Variants in DPP10 observed in about 807,000 individuals in gnomAD.
DPP10 encodes inactive dipeptidyl peptidase 10.
Under a neutral mutation model 120.9 loss-of-function variants are expected in DPP10, and 33 were observed. The ratio of observed to expected loss-of-function variants is 0.27; its 90% CI spans 0.21 to 0.37. DPP10 has a LOEUF of 0.37. Ranked by LOEUF, DPP10 falls within the 10% of genes least tolerant of loss-of-function variation. DPP10 has a pLI of 1.00. For synonymous variants in DPP10, 337 were observed against 326.1 expected (o/e 1.03, Z -0.36); for missense variants, 816 against 942.8 (o/e 0.87, Z 1.76).
intron 1 of DPP10, among the ~76,000 whole-genome samples, chr2:114,659,210 C>T (rs947933105): frequency 6.6e-6 from 1 of 152,140 alleles, no homozygotes; most frequent in East Asian, 1.9e-4. Context: ...AGCATGAAAA[C>T]GTACTAATAC....
intron 19 of DPP10, among the ~76,000 whole-genome samples, chr2:115,805,226 C>G (rs6734758): frequency 0.97 from 147,485 of 152,174 alleles, 71,670 homozygotes; most frequent in East Asian, 1. Flanking sequence ...AGGACCCTCC[C>G]AGCCAGGTGT....
At chr2:114,871,324 A>T (rs1690674790) in intron 1 of DPP10, among the ~76,000 whole-genome samples, 1 of 152,352 alleles carries the variant, frequency 6.6e-6, no homozygotes, top group Non-Finnish European at 1.5e-5. Context: ...TTTTTAAAAA[A>T]TTTGAATACT....
chr2:115,724,478 T>A (rs1020212714), intron 7 of DPP10, among the ~76,000 whole-genome samples: 1 of 152,256 alleles, frequency 6.6e-6, no homozygotes, highest in Non-Finnish European at 1.5e-5. Context: ...TTATGACATA[T>A]TTCCTAACTT....
intron 1 of DPP10, 83 bp downstream of exon 1, chr2:114,442,921 C>T: frequency 1.3e-6 from 2 of 1,532,232 alleles, no homozygotes; most frequent in Non-Finnish European, 1.8e-6. Context: ...TATCGGGGTA[C>T]TGACAGTGGA....
intron 1 of DPP10, among the ~76,000 whole-genome samples, chr2:115,258,855 C>T (rs568208972): frequency 8.5e-4 from 130 of 152,242 alleles, no homozygotes; most frequent in African/African-American, 3.0e-3. Flanking sequence ...CACCACTGCA[C>T]TCCAGCCTGG....
intron 1 of DPP10, among the ~76,000 whole-genome samples, chr2:114,866,742 T>C (rs184075531): frequency 6.6e-6 from 1 of 152,242 alleles, no homozygotes; most frequent in Non-Finnish European, 1.5e-5. Flanking sequence ...TCAGTAAATT[T>C]ACTATGCAGC....
intron 1 of DPP10, among the ~76,000 whole-genome samples, chr2:114,591,554 A>ATTTTTT (rs70937292): frequency 4.0e-5 from 5 of 124,604 alleles, no homozygotes; most frequent in Admixed American, 1.6e-4. Flanking sequence ...ACCTCTTCCT[A>ATTTTTT]TTTTTTTTTT....
In DPP10 at chr2:115,709,567, G is replaced by A. The variant is rs200788647; in HGVS notation, c.577-18249G>A. Reference sequence around the variant, plus strand: ...TCCTACCTTTCATAGACAGATACACGAAGAATATTAAAAAGAAGAAAATGG... The same window carrying A: ...TCCTACCTTTCATAGACAGATACACAAAGAATATTAAAAAGAAGAAAATGG... On this transcript the variant is annotated intron_variant, in intron 7 of 25. Transcript: ENST00000410059. 1.3e-4 allele frequency among the ~76,000 whole-genome samples: 20 copies of A among 151,388 alleles called. No individual in the cohort carries two copies. In the East Asian group the frequency reaches 2.9e-3, roughly 22 times the overall value.
chr2:115,261,363 C>T (rs947965937), intron 1 of DPP10, among the ~76,000 whole-genome samples: 2 of 152,112 alleles, frequency 1.3e-5, no homozygotes, highest in African/African-American at 4.8e-5. Context: ...TCCTAGTGCA[C>T]AATCAGTGAA....
chr2:114,895,674 T>C (rs11888519), intron 1 of DPP10, among the ~76,000 whole-genome samples: 4,110 of 152,252 alleles, frequency 0.027, 187 homozygotes, highest in African/African-American at 0.094. Context: ...CATTTTTTGT[T>C]TTAAGCCACT....
At chr2:114,778,620 C>T (rs956444318) in intron 1 of DPP10, among the ~76,000 whole-genome samples, 10 of 151,736 alleles carry the variant, frequency 6.6e-5, no homozygotes, top group African/African-American at 1.2e-4. Flanking sequence ...TTAATCTGAC[C>T]GGCAGATAAA....
chr2:115,443,857 T>G (rs933355348), intron 3 of DPP10, among the ~76,000 whole-genome samples: 9 of 152,182 alleles, frequency 5.9e-5, no homozygotes, highest in Admixed American at 3.9e-4. Context: ...GCCAGAAAAT[T>G]CTTTGTTACA....
At chr2:115,088,753 A>AAAAAAAAAG (rs1708962718) in intron 1 of DPP10, among the ~76,000 whole-genome samples, 1 of 149,362 alleles carries the variant, frequency 6.7e-6, no homozygotes, top group Admixed American at 6.6e-5. Context: ...TGCCTGACAA[A>AAAAAAAAAG]AAAAAAAAAA....
chr2:114,910,693 A>G (rs1405315974), intron 1 of DPP10, among the ~76,000 whole-genome samples: 3 of 152,092 alleles, frequency 2.0e-5, no homozygotes, highest in African/African-American at 7.2e-5. Context: ...AAAATTCCCA[A>G]AAGTTTTGTG....
chr2:114,450,403 T>G (rs1267918377), intron 1 of DPP10, among the ~76,000 whole-genome samples: 1 of 152,082 alleles, frequency 6.6e-6, no homozygotes, highest in East Asian at 1.9e-4. Flanking sequence ...TGAGTCTCTC[T>G]ACGAGCTATT....
At chr2:115,515,650 T>G (rs1575069238) in intron 4 of DPP10, among the ~76,000 whole-genome samples, 2 of 152,106 alleles carry the variant, frequency 1.3e-5, no homozygotes, top group African/African-American at 2.4e-5. Flanking sequence ...ACTGAAAGGA[T>G]GTTCTGTGTT....
At chr2:115,163,073 C>G (rs1265035251) in intron 1 of DPP10, among the ~76,000 whole-genome samples, 1 of 152,126 alleles carries the variant, frequency 6.6e-6, no homozygotes, top group Admixed American at 6.5e-5. Context: ...GACTGGGGAT[C>G]TTTGTTCGGA....
At chr2:115,700,074 A>G (rs1250979603) in intron 7 of DPP10, among the ~76,000 whole-genome samples, 3 of 152,190 alleles carry the variant, frequency 2.0e-5, no homozygotes, top group Non-Finnish European at 4.4e-5. Context: ...TCATGTGGCT[A>G]GAGCAGAGGA....
At chr2:115,247,851 G>A (rs1420632353) in intron 1 of DPP10, among the ~76,000 whole-genome samples, 1 of 152,256 alleles carries the variant, frequency 6.6e-6, no homozygotes, top group South Asian at 2.1e-4. Flanking sequence ...CCAATATACT[G>A]TTTTGTTTTT....
Sources: gnomAD v4.1 joint callset for allele counts (sites outside exome capture counted in the v4.1 genomes callset) on GRCh38, gnomAD v4.1.1 for gene constraint, MANE v1.5 for transcripts, NCBI Gene and HGNC (gene_info 2026-07-23, HGNC 2026-07-21) for gene names.